Variants in MAGI2 observed in about 807,000 individuals in gnomAD.
MAGI2 encodes membrane-associated guanylate kinase, WW and PDZ domain-containing protein 2.
Under a neutral mutation model 133.3 loss-of-function variants are expected in MAGI2, and 35 were observed. The observed-to-expected ratio is 0.26, with a 90% confidence interval of 0.20 to 0.35. The LOEUF (loss-of-function observed/expected upper bound fraction) is 0.35. Among genes scored for constraint, MAGI2 ranks in the 10% least tolerant of loss-of-function variants. MAGI2 has a pLI of 1.00. For missense variants in MAGI2, 1,636 were observed against 1,863.4 expected (o/e 0.88, Z 2.25); for synonymous variants, 729 against 710.6 (o/e 1.03, Z -0.41).
At chr7:78,149,368 T>C (rs920218969) in intron 16 of MAGI2, among the ~76,000 whole-genome samples, 3 of 152,146 alleles carry the variant, frequency 2.0e-5, no homozygotes, top group Admixed American at 2.0e-4. Context: ...GAGTGACAAA[T>C]ATAATTGTGT....
intron 2 of MAGI2, among the ~76,000 whole-genome samples, chr7:78,959,025 C>T (rs192048154): frequency 1.2e-4 from 19 of 152,198 alleles, no homozygotes; most frequent in South Asian, 6.2e-4. Context: ...ACAAACCAAC[C>T]CTGGCTCTGC....
At chr7:78,068,351 G>GGT (rs1253299354) in intron 21 of MAGI2, among the ~76,000 whole-genome samples, 2 of 152,288 alleles carry the variant, frequency 1.3e-5, no homozygotes, top group African/African-American at 4.8e-5. Flanking sequence ...AACAGACCAT[G>GGT]GACCAGTCAG....
Position 79,345,771 on chromosome 7 carries a change from C to G in MAGI2, c.301+107249G>C, listed in dbSNP as rs557588051. On this transcript the variant is annotated intron_variant, in intron 1 of 21. Coordinates refer to ENST00000354212, the MANE Select transcript of MAGI2 (RefSeq NM_012301.4). ...TTCTAAGGATTCTGTGTGATAGTAACAGCTTTTTGAAATATGTAGTCATAA... is the reference window on the plus strand; with the variant it reads ...TTCTAAGGATTCTGTGTGATAGTAAGAGCTTTTTGAAATATGTAGTCATAA... 1.6e-4 allele frequency among the ~76,000 whole-genome samples: 24 copies of G among 152,160 alleles called. No individual in the cohort carries two copies. The East Asian group carries it at 4.4e-3, about 28-fold the overall frequency.
At chr7:78,808,663 C>T (rs1236413011) in intron 2 of MAGI2, among the ~76,000 whole-genome samples, 1 of 152,162 alleles carries the variant, frequency 6.6e-6, no homozygotes, top group Non-Finnish European at 1.5e-5. Context: ...AAGCACAGCA[C>T]AAGGGATACA....
At chr7:79,123,669 C>T (rs532183726) in intron 1 of MAGI2, among the ~76,000 whole-genome samples, 1 of 150,378 alleles carries the variant, frequency 6.6e-6, no homozygotes, top group South Asian at 2.1e-4. Flanking sequence ...GCCTGTAATC[C>T]CAGCAACTCA....
intron 2 of MAGI2, among the ~76,000 whole-genome samples, chr7:78,999,475 T>C (rs1806643935): frequency 6.6e-6 from 1 of 152,182 alleles, no homozygotes; most frequent in Admixed American, 6.5e-5. Flanking sequence ...CCAATGAATG[T>C]TACTCTGTGA....
intron 1 of MAGI2, among the ~76,000 whole-genome samples, chr7:79,028,273 G>GTATATATATATATATATATATA (rs1562805388): frequency 4.8e-5 from 1 of 20,670 alleles, no homozygotes; most frequent in African/African-American, 1.2e-4. Context: ...ATATATGTAT[G>GTATATATATATATATATATATA]TATGTATATA....
At chr7:78,866,028 G>A (rs929576216) in intron 2 of MAGI2, among the ~76,000 whole-genome samples, 4 of 152,074 alleles carry the variant, frequency 2.6e-5, no homozygotes, top group African/African-American at 4.8e-5. Flanking sequence ...GTACAATCAG[G>A]AGTGCTGCTG....
chr7:79,253,271 G>A (rs1833451325), intron 1 of MAGI2, among the ~76,000 whole-genome samples: 2 of 152,104 alleles, frequency 1.3e-5, no homozygotes, highest in African/African-American at 2.4e-5. Flanking sequence ...TTTTTCTTAA[G>A]TATATTTTAA....
chr7:79,323,980 C>G lies in MAGI2; in HGVS notation c.301+129040G>C, dbSNP rs1282645318. Among the ~76,000 whole-genome samples, 112 of 152,054 alleles carry G rather than the reference C, an allele frequency of 7.4e-4. 1 individual carries two copies. The highest frequency in any genetic ancestry group is 5.9e-5 in the Non-Finnish European group (4 of 67,986). On this transcript the variant is annotated intron_variant, in intron 1 of 21. Transcript: ENST00000354212. ...GCCTCCTGGGGATGCTCCTGGGAAG[C>G]TAGAGACAAACTACCTGGACTCTGA...
At chr7:79,117,472 A>G (rs1819507311) in intron 1 of MAGI2, among the ~76,000 whole-genome samples, 1 of 152,158 alleles carries the variant, frequency 6.6e-6, no homozygotes, top group African/African-American at 2.4e-5. Context: ...AGGTAATACT[A>G]AACAGTTTGA....
chr7:78,535,946 G>A (rs1797861504), intron 3 of MAGI2, among the ~76,000 whole-genome samples: 2 of 148,084 alleles, frequency 1.4e-5, no homozygotes, highest in South Asian at 4.3e-4. Context: ...AACTCCCTGT[G>A]ATTTATCTTC....
At chr7:78,145,676 T>C (rs1823239791) in intron 16 of MAGI2, among the ~76,000 whole-genome samples, 1 of 152,220 alleles carries the variant, frequency 6.6e-6, no homozygotes, top group South Asian at 2.1e-4. Context: ...TGGCACCTTA[T>C]ATTAGACTTC....
chr7:79,245,580 T>C (rs944415123), intron 1 of MAGI2, among the ~76,000 whole-genome samples: 3 of 152,160 alleles, frequency 2.0e-5, no homozygotes, highest in African/African-American at 7.2e-5. Context: ...GGAAGGACTT[T>C]ATCTTGTGGC....
At chr7:79,328,193 AG>A (rs760717127) in intron 1 of MAGI2, among the ~76,000 whole-genome samples, 1 of 152,196 alleles carries the variant, frequency 6.6e-6, no homozygotes. Flanking sequence ...ATAATCAAAT[AG>A]ATGCAAATTA....
chr7:78,982,867 TAGC>T (rs909018584), intron 2 of MAGI2, among the ~76,000 whole-genome samples: 10 of 152,014 alleles, frequency 6.6e-5, no homozygotes, highest in African/African-American at 2.2e-4. Context: ...AGGCTGGTGC[TAGC>T]AGTTAATTTG....
rs145011424 is a variant in MAGI2 at position 78,331,571 on chromosome 7, C to G, written c.1408+12207G>C. On this transcript the variant is annotated intron_variant, in intron 9 of 21. Transcript: ENST00000354212. Reference sequence around the variant, plus strand: ...GTTTAAATTTATCTTAAGGTAAACACCTCTCACTAATATAGTCACAGCCAA... The same window carrying G: ...GTTTAAATTTATCTTAAGGTAAACAGCTCTCACTAATATAGTCACAGCCAA... 5.1e-3 allele frequency among the ~76,000 whole-genome samples: 769 copies of G among 152,220 alleles called. 13 individuals are homozygous for G. Among genetic ancestry groups the G allele is most frequent in the African/African-American group, 0.018 (745 of 41,526 alleles).
intron 2 of MAGI2, among the ~76,000 whole-genome samples, chr7:78,886,508 T>C (rs1005211428): frequency 2.6e-5 from 4 of 152,202 alleles, no homozygotes; most frequent in African/African-American, 9.6e-5. Context: ...TGCTGAGCCA[T>C]GTCTCCACAA....
rs192122926 is a variant in MAGI2 at position 79,336,277 on chromosome 7, C to T, written c.301+116743G>A. ...AAATAGCATGTCTAACGTCACACTA[C>T]TATTAAGAGGCTCTGACAGGATTTG... On this transcript the variant is annotated intron_variant, in intron 1 of 21. Coordinates refer to ENST00000354212, the MANE Select transcript of MAGI2 (RefSeq NM_012301.4). 9.9e-5 allele frequency among the ~76,000 whole-genome samples: 15 copies of T among 152,194 alleles called. No individual in the cohort carries two copies. The East Asian group carries it at 2.3e-3, about 24-fold the overall frequency.
Sources: gnomAD v4.1 joint callset for allele counts (sites outside exome capture counted in the v4.1 genomes callset) on GRCh38, gnomAD v4.1.1 for gene constraint, MANE v1.5 for transcripts, NCBI Gene and HGNC (gene_info 2026-07-23, HGNC 2026-07-21) for gene names.